Variants in RFX3 observed in about 807,000 individuals in gnomAD.
The protein encoded by RFX3 is regulatory factor X3, also known as transcription factor RFX3.
In RFX3, 14 loss-of-function variants were observed where a neutral mutation model predicts 98.6. The ratio of observed to expected loss-of-function variants is 0.14; its 90% CI spans 0.09 to 0.22. The LOEUF is 0.22. Among genes scored for constraint, RFX3 ranks in the 10% least tolerant of loss-of-function variants. The probability of loss-of-function intolerance (pLI) is 1.00; values close to 1 mark genes in which losing one functional copy is unlikely to be tolerated. For synonymous variants in RFX3, 383 were observed against 328.4 expected, an observed-to-expected ratio of 1.17 and a Z score of -1.80; for missense variants, 639 against 926.9, an observed-to-expected ratio of 0.69 and a Z score of 4.03.
intron 4 of RFX3, among the ~76,000 whole-genome samples, chr9:3,319,435 A>T (rs569549089): frequency 6.6e-6 from 1 of 152,144 alleles, no homozygotes; most frequent in East Asian, 1.9e-4. Context: ...ACATTCCCAC[A>T]ATGGTGCCAG....
chr9:3,288,749 T>C (rs978157404), intron 6 of RFX3, among the ~76,000 whole-genome samples: 2 of 152,172 alleles, frequency 1.3e-5, no homozygotes, highest in African/African-American at 2.4e-5. Flanking sequence ...TCAGTGATGA[T>C]GAAGTAAGAT....
chr9:3,346,987 T>C lies in RFX3; in HGVS notation c.118-223A>G, dbSNP rs552454771. ...AAATTCTGTAACTTCCCTGCAGGTA[T>C]AAATGTATAGACACATTTCAACTGT... On this transcript the variant is annotated intron_variant, in intron 2 of 16. Transcript: ENST00000617270. 7.2e-5 allele frequency among the ~76,000 whole-genome samples: 11 copies of C among 152,328 alleles called. No individual in the cohort carries two copies. The South Asian group carries it at 1.9e-3, about 26-fold the overall frequency.
At chr9:3,342,941 C>T (rs1335143008) in intron 3 of RFX3, among the ~76,000 whole-genome samples, 7 of 152,172 alleles carry the variant, frequency 4.6e-5, no homozygotes, top group Admixed American at 1.3e-4. Flanking sequence ...TACCTTCTCC[C>T]TTGAGCAAAA....
chr9:3,353,032 T>G (rs2131271537), intron 2 of RFX3, among the ~76,000 whole-genome samples: 1 of 151,940 alleles, frequency 6.6e-6, no homozygotes, highest in African/African-American at 2.4e-5. Flanking sequence ...AAATGATGAG[T>G]TCACGTCCTT....
intron 1 of RFX3, among the ~76,000 whole-genome samples, chr9:3,423,420 T>C (rs890681063): frequency 1.3e-5 from 2 of 152,266 alleles, no homozygotes; most frequent in South Asian, 4.1e-4. Flanking sequence ...TGTAGTATAC[T>C]CCTAAAATGA....
intron 2 of RFX3, among the ~76,000 whole-genome samples, chr9:3,358,138 T>C (rs1299407888): frequency 6.6e-6 from 1 of 152,124 alleles, no homozygotes; most frequent in East Asian, 1.9e-4. Flanking sequence ...AATGATTTCC[T>C]TGTGTATAAA....
chr9:3,319,660 A>C (rs1831027288), intron 4 of RFX3, among the ~76,000 whole-genome samples: 1 of 152,208 alleles, frequency 6.6e-6, no homozygotes, highest in Non-Finnish European at 1.5e-5. Context: ...TGTGGCAAGA[A>C]AGTAGTTGAA....
rs563269050 is a variant in RFX3 at position 3,391,179 on chromosome 9, T to C, written c.117+4293A>G. Among the ~76,000 whole-genome samples the C allele has an allele frequency of 9.2e-5, 14 of 152,148 alleles. 2 individuals are homozygous for C. The South Asian group carries it at 2.7e-3, about 29-fold the overall frequency. On this transcript the variant is annotated intron_variant, in intron 2 of 16. Transcript: ENST00000617270. ...ACTATAGTTTGCAAACCCAAGATAA[T>C]AGCAGCACATTAACAATTCAAACAT...
At chr9:3,440,121 A>C (rs1015914168) in intron 1 of RFX3, among the ~76,000 whole-genome samples, 3 of 152,098 alleles carry the variant, frequency 2.0e-5, no homozygotes, top group African/African-American at 7.2e-5. Flanking sequence ...CTATTAAAGA[A>C]ATCTATTAAC....
rs374115461 is a variant in RFX3, at chr9:3,502,122, A to G, written c.-9+23625T>C. 6.2e-4 allele frequency among the ~76,000 whole-genome samples: 94 copies of G among 150,950 alleles called. No individual in the cohort carries two copies. The East Asian group carries it at 0.018, about 29-fold the overall frequency. ...AAAATACAAAAAATTAGCCGGGCGTAGTGGCGGGCGCCTGTAGTCCCAGCT... is the reference window on the plus strand; with the variant it reads ...AAAATACAAAAAATTAGCCGGGCGTGGTGGCGGGCGCCTGTAGTCCCAGCT... On this transcript the variant is annotated intron_variant, in intron 1 of 16. Coordinates refer to ENST00000617270, the MANE Select transcript of RFX3 (RefSeq NM_001282116.2).
intron 1 of RFX3, among the ~76,000 whole-genome samples, chr9:3,516,690 G>A (rs1324536714): frequency 6.6e-6 from 1 of 152,068 alleles, no homozygotes; most frequent in African/African-American, 2.4e-5. Context: ...TTTTTATTCT[G>A]ATCAGAGAGC....
intron 1 of RFX3, among the ~76,000 whole-genome samples, chr9:3,456,500 G>A (rs1310280775): frequency 6.6e-6 from 1 of 151,962 alleles, no homozygotes; most frequent in African/African-American, 2.4e-5. Flanking sequence ...AATGTGATGT[G>A]CCTGTTTAAT....
chr9:3,414,965 T>TTCATATATACACTTATATATAC (rs1554700682), intron 1 of RFX3, among the ~76,000 whole-genome samples: 22 of 135,562 alleles, frequency 1.6e-4, no homozygotes, highest in East Asian at 2.2e-4. Context: ...TGTGTATATA[T>TTCATATATACACTTATATATAC]TCATATATAC....
intron 5 of RFX3, among the ~76,000 whole-genome samples, chr9:3,299,595 G>C (rs2129984688): frequency 6.6e-6 from 1 of 151,844 alleles, no homozygotes; most frequent in African/African-American, 2.4e-5. Context: ...ATACTGAAGT[G>C]TCTCTGGGAG....
At chr9:3,497,939 A>G (rs1035900574) in intron 1 of RFX3, among the ~76,000 whole-genome samples, 3 of 152,000 alleles carry the variant, frequency 2.0e-5, no homozygotes, top group Non-Finnish European at 2.9e-5. Context: ...TCTTTACTAT[A>G]ACTGCCACTT....
At chr9:3,342,870 G>A (rs550934815) in intron 3 of RFX3, among the ~76,000 whole-genome samples, 40 of 152,336 alleles carry the variant, frequency 2.6e-4, no homozygotes, top group Middle Eastern at 3.4e-3. Flanking sequence ...ATACACAAAT[G>A]ATGTAGCATG....
Position 3,338,200 on chromosome 9 carries a change from C to A in RFX3, c.216-7683G>T, listed in dbSNP as rs1587154664. Among the ~76,000 whole-genome samples, 3 of 152,292 alleles carry A rather than the reference C, an allele frequency of 2.0e-5. No individual in the cohort carries two copies. In the East Asian group the frequency reaches 5.8e-4, roughly 29 times the overall value. ...AATAGGTTAAATATAAAGTAATAAA[C>A]ACTAAAGAATATCACTAATAAAACA... On this transcript the variant is annotated intron_variant, in intron 3 of 16. Coordinates refer to ENST00000617270, the MANE Select transcript of RFX3 (RefSeq NM_001282116.2).
At chr9:3,494,492 C>T (rs1850965303) in intron 1 of RFX3, among the ~76,000 whole-genome samples, 1 of 152,086 alleles carries the variant, frequency 6.6e-6, no homozygotes, top group Non-Finnish European at 1.5e-5. Context: ...ACTTTTCAAG[C>T]TAGAAATGTG....
chr9:3,292,048 T>G lies in RFX3; in HGVS notation c.731+1029A>C, dbSNP rs554833644. 2.6e-3 allele frequency among the ~76,000 whole-genome samples: 165 copies of G among 64,202 alleles called. 1 individual carries two copies. The highest frequency in any genetic ancestry group is 3.4e-3 in the Non-Finnish European group (123 of 36,260). 42.1% of individuals were successfully genotyped at this position (64,202 alleles called of 152,430 possible). On this transcript the variant is annotated intron_variant, in intron 6 of 16. Transcript: ENST00000617270. Reference sequence around the variant, plus strand: ...CTCCAGCCTGGCAACAGAAACAGAGTGAGACTCCATCTCAAAAAAAAAAAA... The same window carrying G: ...CTCCAGCCTGGCAACAGAAACAGAGGGAGACTCCATCTCAAAAAAAAAAAA...
Sources: gnomAD v4.1 joint callset for allele counts (sites outside exome capture counted in the v4.1 genomes callset) on GRCh38, gnomAD v4.1.1 for gene constraint, MANE v1.5 for transcripts, NCBI Gene and HGNC (gene_info 2026-07-23, HGNC 2026-07-21) for gene names.